PAGE2B: variants seen among roughly 807,000 people sequenced by gnomAD.
PAGE2B encodes the protein PAGE family member 2B.
A neutral mutation model predicts 7.6 loss-of-function variants in PAGE2B; 5 were observed. That is an observed-to-expected ratio of 0.66 (90% CI 0.34 to 1.38). The LOEUF (loss-of-function observed/expected upper bound fraction) is 1.38. Among genes scored for constraint, PAGE2B ranks in the 40% most tolerant of loss-of-function variants. The pLI, the probability that PAGE2B is intolerant of heterozygous loss-of-function variation, is 0.04. For missense variants in PAGE2B, 70 were observed against 78.4 expected (o/e 0.89, Z 0.41); for synonymous variants, 29 against 26.7 (o/e 1.09, Z -0.27).
chrX:55,048,291 C>A, the PAGE2B span, among the ~76,000 whole-genome samples: 1 of 111,723 alleles, frequency 9.0e-6, no homozygotes, highest in African/African-American at 3.3e-5. Flanking sequence ...GATGCGGGCT[C>A]TTTTTCAGTT....
At chrX:55,034,167 T>G in the PAGE2B span, among the ~76,000 whole-genome samples, 1 of 111,975 alleles carries the variant, frequency 8.9e-6, no homozygotes, top group Non-Finnish European at 1.9e-5. Context: ...ATTAGCTATA[T>G]CCCTTACCCA....
chrX:55,074,632 T>G (rs1349242952), upstream of PAGE2B, among the ~76,000 whole-genome samples: 9 of 112,199 alleles, frequency 8.0e-5, no homozygotes, highest in Non-Finnish European at 1.7e-4. Flanking sequence ...TGGAATGGGT[T>G]AGACAATTGC....
At chrX:55,047,783 G>A in the PAGE2B span, among the ~76,000 whole-genome samples, 1 of 111,796 alleles carries the variant, frequency 8.9e-6, no homozygotes, top group Non-Finnish European at 1.9e-5. Flanking sequence ...CACTCTGATG[G>A]TAGTTTCTTT....
the PAGE2B span, among the ~76,000 whole-genome samples, chrX:55,035,908 G>A: frequency 3.6e-5 from 4 of 111,709 alleles, no homozygotes; most frequent in African/African-American, 6.5e-5. Context: ...CCATTTTCAC[G>A]ATATTGATTC....
the PAGE2B span, among the ~76,000 whole-genome samples, chrX:55,032,922 G>C: frequency 9.0e-6 from 1 of 111,487 alleles, no homozygotes; most frequent in Non-Finnish European, 1.9e-5. Flanking sequence ...TCTTTAGCTG[G>C]CTAACCATTT....
the PAGE2B span, among the ~76,000 whole-genome samples, chrX:55,040,429 T>C: frequency 2.7e-5 from 3 of 111,129 alleles, no homozygotes; most frequent in African/African-American, 6.5e-5. Context: ...CTCAGAATGA[T>C]GGTTTCCAGC....
chrX:55,037,333 A>G, the PAGE2B span, among the ~76,000 whole-genome samples: 3 of 112,108 alleles, frequency 2.7e-5, no homozygotes, highest in Non-Finnish European at 3.8e-5. Context: ...AGAGAAATGC[A>G]AATCAAAACC....
chrX:55,043,791 A>C, the PAGE2B span, among the ~76,000 whole-genome samples: 5 of 109,605 alleles, frequency 4.6e-5, no homozygotes, highest in African/African-American at 1.7e-4. Flanking sequence ...ACCTGGAGAA[A>C]CGCCCGCTCT....
chrX:55,052,034 A>G, the PAGE2B span, among the ~76,000 whole-genome samples: 1 of 111,675 alleles, frequency 9.0e-6, no homozygotes, highest in Non-Finnish European at 1.9e-5. Context: ...AACAGTCAGG[A>G]CCCTCAGCTG....
At chrX:55,047,892 A>T in the PAGE2B span, among the ~76,000 whole-genome samples, 7 of 111,550 alleles carry the variant, frequency 6.3e-5, no homozygotes, top group East Asian at 8.4e-4. Context: ...TCCTTGCCCA[A>T]TCCTATGTCC....
chrX:55,039,484 C>CTT, the PAGE2B span, among the ~76,000 whole-genome samples: 46 of 95,701 alleles, frequency 4.8e-4, no homozygotes, highest in Middle Eastern at 5.4e-3. Flanking sequence ...GAAGAAAATT[C>CTT]TTTTTTTTTT....
chrX:55,070,299 T>A (rs1936437183), upstream of PAGE2B, among the ~76,000 whole-genome samples: 1 of 112,139 alleles, frequency 8.9e-6, no homozygotes, highest in Non-Finnish European at 1.9e-5. Context: ...ATGTACCCAG[T>A]AGTCATTCAG....
At chrX:55,034,684 A>T in the PAGE2B span, among the ~76,000 whole-genome samples, 2 of 109,627 alleles carry the variant, frequency 1.8e-5, no homozygotes, top group African/African-American at 6.6e-5. Context: ...GAATTAAAAA[A>T]GGTCCTGGTA....
chrX:55,071,715 T>G (rs140950353), upstream of PAGE2B, among the ~76,000 whole-genome samples: 1,232 of 112,131 alleles, frequency 0.011, 11 homozygotes, highest in African/African-American at 0.037. Flanking sequence ...TCTTTTCACA[T>G]AGTCTTATAC....
At chrX:55,046,393 C>T in the PAGE2B span, among the ~76,000 whole-genome samples, 1 of 111,910 alleles carries the variant, frequency 8.9e-6, no homozygotes, top group Non-Finnish European at 1.9e-5. Context: ...GGATTACAGG[C>T]GTGAGCCACT....
chrX:55,068,568 T>A, the PAGE2B span, among the ~76,000 whole-genome samples: 2 of 112,265 alleles, frequency 1.8e-5, no homozygotes, highest in Admixed American at 9.4e-5. Flanking sequence ...TTTCCAATTC[T>A]GTGAAGAAAG....
the PAGE2B span, among the ~76,000 whole-genome samples, chrX:55,037,795 A>G: frequency 1.9e-5 from 2 of 106,848 alleles, no homozygotes; most frequent in Non-Finnish European, 3.9e-5. Flanking sequence ...GCAAACTATC[A>G]CAAGGACAAA....
chrX:55,048,198 A>G, the PAGE2B span, among the ~76,000 whole-genome samples: 1 of 111,905 alleles, frequency 8.9e-6, no homozygotes, highest in Non-Finnish European at 1.9e-5. Context: ...TACCAGCACC[A>G]TGCTGTTTTG....
chrX:55,049,656 C>A, the PAGE2B span, among the ~76,000 whole-genome samples: 10 of 111,093 alleles, frequency 9.0e-5, no homozygotes, highest in Non-Finnish European at 1.7e-4. Context: ...GGTGATATCC[C>A]CTTTATCATT....
Sources: allele counts gnomAD v4.1 joint callset (sites outside exome capture counted in the v4.1 genomes callset), GRCh38; gene constraint gnomAD v4.1.1; transcripts MANE v1.5; gene names NCBI Gene and HGNC (gene_info 2026-07-23, HGNC 2026-07-21).